The following SGCZ variants were observed in gnomAD, a reference collection of about 807,000 sequenced individuals.
SGCZ encodes the protein zeta-sarcoglycan.
Under a neutral mutation model 41.3 loss-of-function variants are expected in SGCZ, and 40 were observed. That is an observed-to-expected ratio of 0.97 (90% CI 0.75 to 1.26). SGCZ has a LOEUF of 1.26. Among genes scored for constraint, SGCZ ranks in the 50% most tolerant of loss-of-function variants. SGCZ has a pLI of 0.00. For synonymous variants in SGCZ, 206 were observed against 137.5 expected, an observed-to-expected ratio of 1.50 and a Z score of -3.49; for missense variants, 552 against 369.8, an observed-to-expected ratio of 1.49 and a Z score of -4.04.
chr8:15,228,110 G>C (rs11996692), intron 1 of SGCZ, among the ~76,000 whole-genome samples: 7,151 of 152,112 alleles, frequency 0.047, 560 homozygotes, highest in African/African-American at 0.16. Context: ...GTTTTTATTT[G>C]TTATACATTA....
At chr8:14,935,982 G>T (rs1201929720) in intron 1 of SGCZ, among the ~76,000 whole-genome samples, 1 of 151,772 alleles carries the variant, frequency 6.6e-6, no homozygotes, top group African/African-American at 2.4e-5. Context: ...ATGGAATAAG[G>T]AAGACAATTT....
chr8:14,642,065 G>A (rs1186641043), intron 1 of SGCZ, among the ~76,000 whole-genome samples: 2 of 151,546 alleles, frequency 1.3e-5, no homozygotes, highest in East Asian at 3.9e-4. Flanking sequence ...TCATTAGTTT[G>A]TACAATTCAC....
chr8:14,698,689 A>AGATT (rs1217089166), intron 1 of SGCZ, among the ~76,000 whole-genome samples: 2 of 151,988 alleles, frequency 1.3e-5, no homozygotes, highest in East Asian at 3.9e-4. Flanking sequence ...GATAAACTTC[A>AGATT]GATTCAGAAG....
chr8:14,138,055 C>T (rs1264273562), intron 5 of SGCZ, among the ~76,000 whole-genome samples: 2 of 152,106 alleles, frequency 1.3e-5, no homozygotes, highest in Admixed American at 1.3e-4. Context: ...AATTTTCAAC[C>T]CAGAATTTCA....
At chr8:14,565,035 A>G (rs1486868636) in intron 1 of SGCZ, among the ~76,000 whole-genome samples, 1 of 152,108 alleles carries the variant, frequency 6.6e-6, no homozygotes, top group Non-Finnish European at 1.5e-5. Flanking sequence ...TAGCAACTGA[A>G]TTTCAAGAAT....
chr8:14,937,297 A>G (rs1800115041), intron 1 of SGCZ, among the ~76,000 whole-genome samples: 1 of 152,046 alleles, frequency 6.6e-6, no homozygotes, highest in Non-Finnish European at 1.5e-5. Flanking sequence ...AAAATATTTC[A>G]TAAAAAAGAT....
At chr8:14,272,379 G>GTCTC in intron 3 of SGCZ, among the ~76,000 whole-genome samples, 1 of 152,302 alleles carries the variant, frequency 6.6e-6, no homozygotes, top group South Asian at 2.1e-4. Context: ...TCCTGAGACA[G>GTCTC]TCTCACATTG....
intron 4 of SGCZ, among the ~76,000 whole-genome samples, chr8:14,170,378 A>G (rs1804341561): frequency 6.6e-6 from 1 of 152,138 alleles, no homozygotes; most frequent in South Asian, 2.1e-4. Context: ...CATAAATATT[A>G]TATTTCTAAC....
intron 1 of SGCZ, among the ~76,000 whole-genome samples, chr8:14,728,590 A>C (rs1402766607): frequency 6.6e-6 from 1 of 152,186 alleles, no homozygotes; most frequent in East Asian, 1.9e-4. Context: ...TTACCCCATA[A>C]ACATTAAAAT....
intron 2 of SGCZ, among the ~76,000 whole-genome samples, chr8:14,443,859 T>A (rs1486245530): frequency 6.6e-6 from 1 of 152,074 alleles, no homozygotes; most frequent in South Asian, 2.1e-4. Flanking sequence ...GAAACTAACA[T>A]CAGAGTGAAC....
chr8:14,749,018 C>G (rs1271763411), intron 1 of SGCZ, among the ~76,000 whole-genome samples: 1 of 151,798 alleles, frequency 6.6e-6, no homozygotes, highest in Non-Finnish European at 1.5e-5. Flanking sequence ...CTTTTATATA[C>G]AAAAATAAGG....
At position 15,172,164 on chromosome 8, in the gene SGCZ, T is replaced by TTATTTATTTATTTA. The variant is rs1554471145; in HGVS notation, c.39+65420_39+65421insTAAATAAATAAATA. The stretch of plus-strand genomic sequence containing the variant: ...TGCCTTTTATACTCTGTTTTTTTTT[T>TTATTTATTTATTTA]TTTTTTTTTTTTTTTGAGACGGAGT... On this transcript the variant is annotated intron_variant, in intron 1 of 7. Transcript: ENST00000382080. 3.7e-5 allele frequency among the ~76,000 whole-genome samples: 4 copies of TTATTTATTTATTTA among 108,608 alleles called. 1 individual carries two copies. The South Asian group carries it at 9.4e-4, about 26-fold the overall frequency. The allele number at this position is 108,608 out of a possible 152,430, so 71.3% of individuals were successfully genotyped here. A position where few individuals can be genotyped will look rare whatever the true frequency, so the allele number is the denominator to read the frequency against.
chr8:14,645,229 G>C (rs1036487555), intron 1 of SGCZ, among the ~76,000 whole-genome samples: 8 of 151,086 alleles, frequency 5.3e-5, no homozygotes, highest in Admixed American at 1.3e-4. Flanking sequence ...GGCTATAAAA[G>C]GGTTCACAAT....
chr8:14,518,887 T>C (rs1246240634), intron 2 of SGCZ, among the ~76,000 whole-genome samples: 1 of 102,022 alleles, frequency 9.8e-6, no homozygotes. Flanking sequence ...CGAAACCCCA[T>C]CTCTACCAAA....
chr8:15,144,799 G>T (rs1310771737), intron 1 of SGCZ, among the ~76,000 whole-genome samples: 3 of 152,148 alleles, frequency 2.0e-5, no homozygotes, highest in South Asian at 2.1e-4. Context: ...CTGTTAGTTT[G>T]CAGGGAAAAG....
chr8:14,485,650 G>C (rs17119369), intron 2 of SGCZ, among the ~76,000 whole-genome samples: 2 of 151,894 alleles, frequency 1.3e-5, no homozygotes, highest in African/African-American at 4.8e-5. Context: ...ACATGCGTGA[G>C]GACAGGGCAA....
chr8:14,658,636 G>T (rs964232648), intron 1 of SGCZ, among the ~76,000 whole-genome samples: 2 of 152,004 alleles, frequency 1.3e-5, no homozygotes, highest in Middle Eastern at 3.2e-3. Context: ...TATTTAATTT[G>T]TTATCCTTTT....
At chr8:14,664,332 A>T (rs1176818806) in intron 1 of SGCZ, among the ~76,000 whole-genome samples, 2 of 152,168 alleles carry the variant, frequency 1.3e-5, no homozygotes, top group African/African-American at 4.8e-5. Flanking sequence ...GTGGAATGGG[A>T]ATCTCTAACT....
intron 1 of SGCZ, among the ~76,000 whole-genome samples, chr8:15,081,307 T>G (rs1805738940): frequency 6.6e-6 from 1 of 152,218 alleles, no homozygotes; most frequent in South Asian, 2.1e-4. Flanking sequence ...TGTCATTTAT[T>G]TGCATTTTAA....
Sources: gnomAD v4.1 joint callset for allele counts (sites outside exome capture counted in the v4.1 genomes callset) on GRCh38, gnomAD v4.1.1 for gene constraint, MANE v1.5 for transcripts, NCBI Gene and HGNC (gene_info 2026-07-23, HGNC 2026-07-21) for gene names.